FAM135A: variants seen among roughly 807,000 people sequenced by gnomAD.
FAM135A encodes family with sequence similarity 135 member A, also known as protein FAM135A.
FAM135A carries 79 observed loss-of-function variants against 146.8 expected under a neutral mutation model. That is an observed-to-expected ratio of 0.54 (90% CI 0.45 to 0.65). The LOEUF is 0.65. Among genes scored for constraint, FAM135A ranks in the 30% least tolerant of loss-of-function variants. FAM135A has a pLI of 0.00. For missense variants in FAM135A, 1,623 were observed against 1,758.2 expected, an observed-to-expected ratio of 0.92 and a Z score of 1.38; for synonymous variants, 562 against 603.6, an observed-to-expected ratio of 0.93 and a Z score of 1.01.
Position 70,524,585 on chromosome 6 carries a change from A to G in FAM135A, c.1501A>G (p.Met501Val). Residue 501 changes from methionine to valine, a missense_variant, in exon 15 of 22, where the codon ATG becomes GTG. By Grantham distance (21) the Met-to-Val change is conservative (BLOSUM62 1). Transcript: ENST00000418814. Reference protein sequence around the residue: ...KVKVTKLMKTMKSENTKKLIK... With the variant: ...KVKVTKLMKTVKSENTKKLIK... ...TAAGGTTACTAAGCTTATGAAAACAATGAAATCTGAAAACACAAAAAAATT... is the reference window on the plus strand; with the variant it reads ...TAAGGTTACTAAGCTTATGAAAACAGTGAAATCTGAAAACACAAAAAAATT... 1.3e-6 allele frequency: 2 copies of G among 1,542,936 alleles called. No homozygotes were observed. The highest frequency in any genetic ancestry group is 1.2e-5 in the South Asian group (1 of 81,632).
intron 20 of FAM135A, among the ~76,000 whole-genome samples, chr6:70,554,377 G>A (rs572303622): frequency 1.4e-4 from 21 of 152,280 alleles, no homozygotes; most frequent in African/African-American, 4.6e-4. Flanking sequence ...ATAAGATGAG[G>A]CCTGAGAATT....
At chr6:70,467,282 A>G (rs1464231267) in intron 5 of FAM135A, among the ~76,000 whole-genome samples, 1 of 152,054 alleles carries the variant, frequency 6.6e-6, no homozygotes, top group Non-Finnish European at 1.5e-5. Context: ...AGAGTTCCAA[A>G]GCCATTCTGA....
intron 12 of FAM135A, among the ~76,000 whole-genome samples, chr6:70,519,792 A>G (rs563826939): frequency 1.8e-4 from 27 of 152,350 alleles, no homozygotes; most frequent in Admixed American, 6.5e-4. Flanking sequence ...GGAAACTGAA[A>G]AAATTCATGT....
chr6:70,486,174 C>T (rs1784604355), intron 10 of FAM135A: 1 of 1,613,676 alleles, frequency 6.2e-7, no homozygotes. Context: ...TAGCCAAGGC[C>T]AACATGCAGC....
chr6:70,545,720 C>T (rs189864091), intron 20 of FAM135A, among the ~76,000 whole-genome samples: 60 of 152,278 alleles, frequency 3.9e-4, no homozygotes, highest in East Asian at 1.2e-3. Flanking sequence ...ACATTTACCA[C>T]GTTCTAGGTG....
chr6:70,461,213 G>A (rs937815712), intron 5 of FAM135A, among the ~76,000 whole-genome samples: 16 of 152,142 alleles, frequency 1.1e-4, no homozygotes, highest in Non-Finnish European at 2.2e-4. Flanking sequence ...TTGGAATCAG[G>A]AGTCTGTCTT....
At chr6:70,505,957 A>G (rs545422866) in intron 12 of FAM135A, among the ~76,000 whole-genome samples, 60 of 152,308 alleles carry the variant, frequency 3.9e-4, no homozygotes, top group African/African-American at 1.3e-3. Context: ...GGATTCTACA[A>G]TGGATAAAAT....
At chr6:70,418,942 G>A (rs1344579591) in intron 2 of FAM135A, among the ~76,000 whole-genome samples, 1 of 152,150 alleles carries the variant, frequency 6.6e-6, no homozygotes, top group East Asian at 1.9e-4. Context: ...AGACTGTAAG[G>A]GCCAGAGCTT....
intron 12 of FAM135A, among the ~76,000 whole-genome samples, chr6:70,516,813 G>A (rs192479251): frequency 1.3e-5 from 2 of 152,132 alleles, no homozygotes; most frequent in East Asian, 1.9e-4. Context: ...GGGATTACAG[G>A]TGTGAGCCAC....
At chr6:70,445,359 CCG>C (rs1775460180) in intron 4 of FAM135A, among the ~76,000 whole-genome samples, 3 of 137,442 alleles carry the variant, frequency 2.2e-5, no homozygotes, top group African/African-American at 9.9e-5. Flanking sequence ...ATGGTTTCTG[CCG>C]TCTTGGTCAG....
At chr6:70,519,767 CTT>C (rs1174505446) in intron 12 of FAM135A, among the ~76,000 whole-genome samples, 1 of 152,166 alleles carries the variant, frequency 6.6e-6, no homozygotes, top group Non-Finnish European at 1.5e-5. Context: ...GTAAACATAA[CTT>C]TTATACACAC....
At chr6:70,472,013 G>T (rs1052566241) in intron 5 of FAM135A, among the ~76,000 whole-genome samples, 1 of 152,232 alleles carries the variant, frequency 6.6e-6, no homozygotes, top group Non-Finnish European at 1.5e-5. Context: ...GTACAAAAAT[G>T]AGCAGGATAG....
In FAM135A at chr6:70,453,445, G is replaced by A. The variant is rs201968844; in HGVS notation, c.157+874G>A. 2.6e-5 allele frequency among the ~76,000 whole-genome samples: 4 copies of A among 152,058 alleles called. No individual in the cohort carries two copies. The East Asian group carries it at 7.7e-4, about 29-fold the overall frequency. ...TTTTATTATTATACTTTAAGTTCTA[G>A]GATACATGTGCACAACATGCAGGTT... On this transcript the variant is annotated intron_variant, in intron 5 of 21. Coordinates refer to ENST00000418814, the MANE Select transcript of FAM135A (RefSeq NM_001162529.3).
chr6:70,452,357 C>A (rs1777294397), intron 4 of FAM135A, 135 bp from the exon 5 acceptor site: 2 of 621,558 alleles, frequency 3.2e-6, no homozygotes, highest in South Asian at 2.1e-5. Context: ...TTTTTTCCAA[C>A]AATAGTAAAT....
chr6:70,551,770 G>A lies in FAM135A; in HGVS notation c.4229-4980G>A, dbSNP rs148052868. The stretch of plus-strand genomic sequence containing the variant: ...GAGAGAGACTGGAAATGGCCAGTTG[G>A]TGGAGCAGTCAGAGCATAGTCCATA... On this transcript the variant is annotated intron_variant, in intron 20 of 21. Coordinates refer to ENST00000418814, the MANE Select transcript of FAM135A (RefSeq NM_001162529.3). Among the ~76,000 whole-genome samples, 72 of 152,284 alleles carry A rather than the reference G, an allele frequency of 4.7e-4. No homozygotes were observed. In the South Asian group the frequency reaches 8.1e-3, roughly 17 times the overall value.
chr6:70,533,340 G>A (rs1208550551), intron 17 of FAM135A, 89 bp downstream of exon 17: 1 of 801,384 alleles, frequency 1.2e-6, no homozygotes, highest in Non-Finnish European at 2.0e-6. Flanking sequence ...GCCTGTAATA[G>A]TAGAAATAAT....
Position 70,491,572 on chromosome 6 carries a change from C to G in FAM135A, c.873+489C>G, listed in dbSNP as rs1582511114. Among the ~76,000 whole-genome samples the G allele has an allele frequency of 2.6e-5, 4 of 151,960 alleles. No individual in the cohort carries two copies. In the South Asian group the frequency reaches 8.3e-4, roughly 32 times the overall value. On this transcript the variant is annotated intron_variant, in intron 11 of 21. Transcript: ENST00000418814. ...ATGTATGTTTCACTATGCATTCACTCTTGGTCAGCTACATTAATGGAAGAA... is the reference window on the plus strand; with the variant it reads ...ATGTATGTTTCACTATGCATTCACTGTTGGTCAGCTACATTAATGGAAGAA...
intron 2 of FAM135A, among the ~76,000 whole-genome samples, chr6:70,416,459 G>A (rs1474432318): frequency 6.6e-6 from 1 of 152,180 alleles, no homozygotes; most frequent in Admixed American, 6.5e-5. Flanking sequence ...TGTTTAGGGG[G>A]TAGAAAAGCC....
chr6:70,426,993 A>G (rs1344127534), intron 3 of FAM135A, among the ~76,000 whole-genome samples: 1 of 152,160 alleles, frequency 6.6e-6, no homozygotes, highest in Non-Finnish European at 1.5e-5. Flanking sequence ...AAGGCTGTCT[A>G]TGTCTCTGCT....
Sources: gnomAD v4.1 joint callset for allele counts (sites outside exome capture counted in the v4.1 genomes callset) on GRCh38, gnomAD v4.1.1 for gene constraint, MANE v1.5 for transcripts, NCBI Gene and HGNC (gene_info 2026-07-23, HGNC 2026-07-21) for gene names.